The following RAD21 variants were observed in gnomAD, a reference collection of about 807,000 sequenced individuals.
The protein encoded by RAD21 is double-strand-break repair protein rad21 homolog.
A neutral mutation model predicts 71.5 loss-of-function variants in RAD21; 18 were observed. The observed-to-expected ratio is 0.25, with a 90% confidence interval of 0.17 to 0.37. The LOEUF is 0.37. Among genes scored for constraint, RAD21 ranks in the 10% least tolerant of loss-of-function variants. The pLI, the probability that RAD21 is intolerant of heterozygous loss-of-function variation, is 1.00. For synonymous variants in RAD21, 248 were observed against 254.0 expected, an observed-to-expected ratio of 0.98 and a Z score of 0.22; for missense variants, 493 against 769.1, an observed-to-expected ratio of 0.64 and a Z score of 4.25.
chr8:116,868,990 A>G (rs1218086709), intron 1 of RAD21, among the ~76,000 whole-genome samples: 1 of 152,162 alleles, frequency 6.6e-6, no homozygotes, highest in Non-Finnish European at 1.5e-5. Context: ...AATCTCACAC[A>G]TTATATAAAA....
intron 12 of RAD21, among the ~76,000 whole-genome samples, 186 bp downstream of exon 12, chr8:116,850,432 G>A (rs767993903): frequency 3.3e-5 from 5 of 152,174 alleles, no homozygotes; most frequent in Non-Finnish European, 5.9e-5. Flanking sequence ...GAGTTACAGC[G>A]AAGCATAAAA....
In RAD21 at chr8:116,847,074, G is replaced by GT. The variant is rs951967788; in HGVS notation, c.*425dup. The GT allele has an allele frequency of 2.7e-3, 597 of 222,532 alleles. No individual in the cohort carries two copies. Among genetic ancestry groups the GT allele is most frequent in the Middle Eastern group, 5.7e-3 (4 of 704 alleles). The allele number at this position is 222,532 out of a possible 1,614,324, so 13.8% of individuals were successfully genotyped here. ...TACTGATGGAAAGAAGTGTTTGTTT[G>GT]TTTTTTTTTCTTGTCAAAGACTTAC... On this transcript the variant is annotated 3_prime_UTR_variant, in exon 14 of 14. Transcript: ENST00000297338.
chr8:116,852,177 T>C (rs1812363215), intron 10 of RAD21, 81 bp from the exon 11 acceptor site: 1 of 1,248,100 alleles, frequency 8.0e-7, no homozygotes, highest in South Asian at 1.7e-5. Flanking sequence ...TTTAAACTAG[T>C]ACACTAAGAC....
intron 8 of RAD21, among the ~76,000 whole-genome samples, chr8:116,855,476 T>C (rs1191305822): frequency 6.6e-6 from 1 of 152,198 alleles, no homozygotes; most frequent in African/African-American, 2.4e-5. Flanking sequence ...TCTAGAAATT[T>C]TGACATTTCC....
chr8:116,855,588 GGT>G (rs1290103356), intron 8 of RAD21, among the ~76,000 whole-genome samples: 1 of 152,124 alleles, frequency 6.6e-6, no homozygotes, highest in Non-Finnish European at 1.5e-5. Context: ...TGAAGAGACA[GGT>G]CTTACTATAT....
At chr8:116,867,196 A>C (rs1812714445) in intron 1 of RAD21, among the ~76,000 whole-genome samples, 1 of 152,172 alleles carries the variant, frequency 6.6e-6, no homozygotes, top group Admixed American at 6.5e-5. Context: ...TTCTGGGATA[A>C]ATTATCTGTA....
intron 1 of RAD21, among the ~76,000 whole-genome samples, chr8:116,867,222 G>T (rs1812715140): frequency 1.3e-5 from 2 of 152,092 alleles, no homozygotes; most frequent in Non-Finnish European, 2.9e-5. Context: ...GCTACTACAC[G>T]AAAAGTACTG....
chr8:116,870,162 A>G (rs1284810301), intron 1 of RAD21, among the ~76,000 whole-genome samples: 2 of 152,162 alleles, frequency 1.3e-5, no homozygotes, highest in African/African-American at 2.4e-5. Context: ...ACTTTTCCTC[A>G]AAAGAAAAAA....
intron 3 of RAD21, among the ~76,000 whole-genome samples, chr8:116,862,377 A>C (rs1348051847): frequency 6.6e-6 from 1 of 151,558 alleles, no homozygotes; most frequent in African/African-American, 2.4e-5. Flanking sequence ...TTTGAAAGAC[A>C]AAAAAAAGCA....
At chr8:116,859,702 T>C (rs565785524) in intron 4 of RAD21, among the ~76,000 whole-genome samples, 2 of 151,962 alleles carry the variant, frequency 1.3e-5, no homozygotes, top group South Asian at 2.1e-4. Context: ...TCCCTGTTCC[T>C]TGAGACACAA....
chr8:116,852,701 G>A lies in RAD21; in HGVS notation c.1169C>T (p.Thr390Ile). 1.4e-6 allele frequency: 2 copies of A among 1,478,452 alleles called. No homozygotes were observed. Among genetic ancestry groups the A allele is most frequent in the South Asian group, 1.5e-5 (1 of 68,282 alleles). 91.6% of individuals were successfully genotyped at this position (1,478,452 alleles called of 1,614,324 possible). The part of the protein sequence containing the change: ...LWNNRLLKLF[T>I]RCLTPLVPED... ...TGGTACAAGCGGTGTAAGACAGCGT[G>A]TAAAGAGCTATTAAAAAAAAAAAAA... Residue 390 changes from threonine (T) to isoleucine (I), a missense_variant, in exon 10 of 14, where the codon ACA becomes ATA. Thr to Ile is a moderately conservative substitution (Grantham distance 89). This residue lies in a region of RAD21 where 42 missense variants were observed against 117.2 expected (regional missense o/e 0.36). Transcript: ENST00000297338.
intron 4 of RAD21, among the ~76,000 whole-genome samples, chr8:116,860,124 G>T (rs1417126292): frequency 6.6e-6 from 1 of 152,108 alleles, no homozygotes; most frequent in South Asian, 2.1e-4. Context: ...AATTAGAAGT[G>T]GAGCCTGAAG....
Position 116,845,959 on chromosome 8 carries a change from A to G in RAD21, c.*1541T>C. On this transcript the variant is annotated 3_prime_UTR_variant, in exon 14 of 14. Coordinates refer to ENST00000297338, the MANE Select transcript of RAD21 (RefSeq NM_006265.3). ...TACAGCTTATAACACAACTTTTATT[A>G]GAAAAGTTATACATAACATAGCATC... 1 of 226,220 alleles carries G rather than the reference A, an allele frequency of 4.4e-6. No homozygotes were observed. Among genetic ancestry groups the G allele is most frequent in the East Asian group, 6.5e-5 (1 of 15,474 alleles). The allele number at this position is 226,220 out of a possible 1,614,324, so 14.0% of individuals were successfully genotyped here. A position where few individuals can be genotyped will look rare whatever the true frequency, so the allele number is the denominator to read the frequency against.
intron 1 of RAD21, among the ~76,000 whole-genome samples, chr8:116,869,633 T>G (rs1437584087): frequency 6.7e-6 from 1 of 149,634 alleles, no homozygotes; most frequent in Non-Finnish European, 1.5e-5. Context: ...ACAGAAGAGG[T>G]TTACTGATGA....
chr8:116,849,260 G>C (rs2130453355), intron 12 of RAD21: 1 of 419,462 alleles, frequency 2.4e-6, no homozygotes, highest in East Asian at 3.6e-5. Context: ...ACATTTGGCT[G>C]AAAGTATGCT....
rs547689132 is a variant in RAD21, at chr8:116,860,636, G to T, written c.374+1205C>A. ...AGCTCACTGCTTTTTTAAACATAAT[G>T]CTATTACTGCACACTTAATAGACTA... On this transcript the variant is annotated intron_variant, in intron 4 of 13. Coordinates refer to ENST00000297338, the MANE Select transcript of RAD21 (RefSeq NM_006265.3). Among the ~76,000 whole-genome samples the T allele has an allele frequency of 4.0e-5, 6 of 150,290 alleles. No homozygotes were observed. In the South Asian group the frequency reaches 1.2e-3, roughly 31 times the overall value.
At chr8:116,851,060 G>A (rs1812338681) in intron 11 of RAD21, 1 of 203,256 alleles carries the variant, frequency 4.9e-6, no homozygotes, top group Non-Finnish European at 9.9e-6. Context: ...CTTCTGTAAG[G>A]TTATTATATT....
intron 13 of RAD21, among the ~76,000 whole-genome samples, chr8:116,848,326 C>T (rs1174073943): frequency 2.0e-5 from 3 of 152,226 alleles, no homozygotes; most frequent in African/African-American, 4.8e-5. Flanking sequence ...GTCCAAGAAA[C>T]CAGCAAAATT....
chr8:116,853,268 G>T (rs565429857), intron 9 of RAD21, among the ~76,000 whole-genome samples: 1 of 151,910 alleles, frequency 6.6e-6, no homozygotes, highest in South Asian at 2.1e-4. Context: ...TAGTACAGAC[G>T]GGATTTTACC....
Sources: gnomAD v4.1 joint callset for allele counts (sites outside exome capture counted in the v4.1 genomes callset) on GRCh38, gnomAD v4.1.1 for gene constraint, gnomAD v4.1.1 regional missense constraint, MANE v1.5 for transcripts, NCBI Gene and HGNC (gene_info 2026-07-23, HGNC 2026-07-21) for gene names.